Variants in CCDC187 observed in about 807,000 individuals in gnomAD.
CCDC187 encodes the protein coiled-coil domain containing 187.
Under a neutral mutation model 38.0 loss-of-function variants are expected in CCDC187, and 32 were observed. The observed-to-expected ratio is 0.84, with a 90% CI of 0.64 to 1.13. The LOEUF (loss-of-function observed/expected upper bound fraction) is 1.13. Ranked by LOEUF, CCDC187 falls within the 50% of genes most tolerant of loss-of-function variation. The probability of loss-of-function intolerance (pLI) is 0.00; values close to 1 mark genes in which losing one functional copy is unlikely to be tolerated. For missense variants in CCDC187, 707 were observed against 786.8 expected (o/e 0.90, Z 1.21); for synonymous variants, 333 against 347.9 (o/e 0.96, Z 0.48).
At chr9:136,267,613 G>T (rs1215615543) in intron 15 of CCDC187, 102 bp from the exon 16 acceptor site, 10 of 985,430 alleles carry the variant, frequency 1.0e-5, no homozygotes, top group Non-Finnish European at 1.2e-5. Context: ...CTAGCTTCTA[G>T]ACCGCTCCCA....
intron 7 of CCDC187, among the ~76,000 whole-genome samples, chr9:136,288,469 C>T (rs1024169095): frequency 5.3e-5 from 8 of 152,214 alleles, no homozygotes; most frequent in Non-Finnish European, 1.2e-4. Context: ...GTGGGAGCCC[C>T]TCCCTGGCCT....
chr9:136,290,378 G>A lies in CCDC187; in HGVS notation c.2127+108C>T, dbSNP rs1010265286. Reference sequence around the variant, plus strand: ...TCCCCAGCCCCCAGCTGCAGCCCTCGCCCGGCCACTCCCTGGAGGACACCA... The same window carrying A: ...TCCCCAGCCCCCAGCTGCAGCCCTCACCCGGCCACTCCCTGGAGGACACCA... On this transcript the variant is annotated intron_variant, in intron 6 of 25. Coordinates refer to ENST00000638797, the MANE Select transcript of CCDC187 (RefSeq NM_001378188.1). 408 of 397,698 alleles carry A rather than the reference G, an allele frequency of 1.0e-3. 2 individuals carry two copies. Among genetic ancestry groups the A allele is most frequent in the African/African-American group, 7.4e-3 (360 of 48,716 alleles). 24.6% of individuals were successfully genotyped at this position (397,698 alleles called of 1,614,324 possible). A position where few individuals can be genotyped will look rare whatever the true frequency, so the allele number is the denominator to read the frequency against.
chr9:136,281,228 G>A (rs1831033239), intron 10 of CCDC187: 10 of 395,786 alleles, frequency 2.5e-5, no homozygotes, highest in South Asian at 1.4e-4. Context: ...AGAAAAAGTC[G>A]AATCCGAGCT....
In CCDC187 at chr9:136,286,636, A is replaced by G. The variant is rs1831189201; in HGVS notation, c.2282T>C (p.Met761Thr). The G allele has an allele frequency of 2.5e-6, 1 of 398,702 alleles. No homozygotes were observed. The highest frequency in any genetic ancestry group is 4.4e-6 in the Non-Finnish European group (1 of 226,212). The allele number at this position is 398,702 out of a possible 1,614,324, so 24.7% of individuals were successfully genotyped here. A position where few individuals can be genotyped will look rare whatever the true frequency, so the allele number is the denominator to read the frequency against. ...NHAETLDPPG[M>T]GGPQDGRDAP... ...ATCCCGGCCATCTTGGGGGCCCCCCATCCCTGGGGGATCTAGGGTCTCAGC... is the reference window on the plus strand; with the variant it reads ...ATCCCGGCCATCTTGGGGGCCCCCCGTCCCTGGGGGATCTAGGGTCTCAGC... The change falls in exon 8 of 26, where the codon ATG (methionine) becomes ACG (threonine). Residue 761 changes from methionine to threonine, a missense_variant. Met to Thr is a moderately conservative substitution (Grantham distance 81). Transcript: ENST00000638797.
chr9:136,305,813 T>G (rs1233668068), upstream of CCDC187, among the ~76,000 whole-genome samples: 1 of 152,204 alleles, frequency 6.6e-6, no homozygotes, highest in East Asian at 1.9e-4. Flanking sequence ...TCCTGCGAGT[T>G]GCCCCCACCA....
At chr9:136,302,183 A>G (rs1032472742) in intron 2 of CCDC187, among the ~76,000 whole-genome samples, 2,215 of 152,238 alleles carry the variant, frequency 0.015, 42 homozygotes, top group Middle Eastern at 0.058. Flanking sequence ...GCGAGACTCC[A>G]TCTCAAAAAA....
intron 2 of CCDC187, among the ~76,000 whole-genome samples, chr9:136,300,900 C>A (rs1668453240): frequency 6.6e-6 from 1 of 152,234 alleles, no homozygotes; most frequent in East Asian, 1.9e-4. Flanking sequence ...CGCGCCCAGC[C>A]TCAAAAACTT....
chr9:136,293,900 A>T (rs1831454824), intron 4 of CCDC187, among the ~76,000 whole-genome samples: 1 of 151,192 alleles, frequency 6.6e-6, no homozygotes. Flanking sequence ...ACACAACCAC[A>T]CACACTCATA....
chr9:136,296,369 G>A (rs1356809834), intron 4 of CCDC187: 2 of 152,216 alleles, frequency 1.3e-5, no homozygotes, highest in East Asian at 1.9e-4. Context: ...CAGAATCCAC[G>A]CCTGGAGGGT....
Position 136,264,700 on chromosome 9 carries a change from T to C in CCDC187, c.3736-902A>G, listed in dbSNP as rs563164248. 2.0e-5 allele frequency among the ~76,000 whole-genome samples: 3 copies of C among 151,940 alleles called. No homozygotes were observed. The East Asian group carries it at 5.8e-4, about 29-fold the overall frequency. ...GGGCTTTCCAGTCAACATAAGGTCC[T>C]GCACTGACCCCATTTCCCAGCAGAG... On this transcript the variant is annotated intron_variant, in intron 17 of 25. Transcript: ENST00000638797. This position sits in a 1 kb window ranked among gnomAD's most constrained non-coding sequence, Gnocchi z 4.3.
In CCDC187 at chr9:136,250,047, C is replaced by T. The variant is rs1260072131; in HGVS notation, c.*3547G>A. On this transcript the variant is annotated 3_prime_UTR_variant, in exon 26 of 26. Coordinates refer to ENST00000638797, the MANE Select transcript of CCDC187 (RefSeq NM_001378188.1). ...AGCCCAGGCAAATACAGCAGGAGAC[C>T]TTGAAGGGGAGGAACCTTGGATTAC... 1 of 152,272 alleles carries T rather than the reference C, an allele frequency of 6.6e-6. No individual in the cohort carries two copies. Among genetic ancestry groups the T allele is most frequent in the African/African-American group, 2.4e-5 (1 of 41,446 alleles). The allele number at this position is 152,272 out of a possible 1,614,324, so 9.4% of individuals were successfully genotyped here.
At chr9:136,282,487 C>T (rs1206101521) in intron 9 of CCDC187, among the ~76,000 whole-genome samples, 1 of 151,536 alleles carries the variant, frequency 6.6e-6, no homozygotes, top group Non-Finnish European at 1.5e-5. Context: ...GCATCCGGGG[C>T]ATGTGGGCGG....
Position 136,267,436 on chromosome 9 carries a change from C to T in CCDC187, c.3595G>A (p.Ala1199Thr), listed in dbSNP as rs1830766507. The T allele has an allele frequency of 9.1e-6, 9 of 985,448 alleles. No individual in the cohort carries two copies. The highest frequency in any genetic ancestry group is 4.7e-5 in the South Asian group (1 of 21,302). The allele number at this position is 985,448 out of a possible 1,614,324, so 61.0% of individuals were successfully genotyped here. A position where few individuals can be genotyped will look rare whatever the true frequency, so the allele number is the denominator to read the frequency against. ...QAALLRLREM[A>T]LQEKTLAELA... ...TCCGCGAGCGTTTTCTCCTGGAGCG[C>T]CATCTCTCGCAGGCGCAGCAGCGCG... Residue 1199 changes from alanine to threonine, a missense_variant, in exon 16 of 26, where the codon GCG (alanine) becomes ACG (threonine). Transcript: ENST00000638797.
In CCDC187 at chr9:136,263,607, G is replaced by C; in HGVS notation, c.3912+15C>G. 1.0e-6 allele frequency: 1 copy of C among 985,440 alleles called. No homozygotes were observed. Among genetic ancestry groups the C allele is most frequent in the Non-Finnish European group, 1.2e-6 (1 of 829,932 alleles). The allele number at this position is 985,440 out of a possible 1,614,324, so 61.0% of individuals were successfully genotyped here. On this transcript the variant is annotated intron_variant, in intron 18 of 25. Transcript: ENST00000638797. ...ATTTCTGCAGCTGAGTCCCAGCCCAGGCGAGAGCACCCACCTGCTGCAGCT... is the reference window on the plus strand; with the variant it reads ...ATTTCTGCAGCTGAGTCCCAGCCCACGCGAGAGCACCCACCTGCTGCAGCT...
rs931900094 is a variant in CCDC187, at chr9:136,282,034, C to T, written c.2928-371G>A. ...GGACCCCAGGGGGAACAGGGGTGTG[C>T]ACGGTCAGCTTCCGTGGCCACCGTT... is the stretch of plus-strand genomic sequence containing the variant. On this transcript the variant is annotated intron_variant, in intron 9 of 25. Coordinates refer to ENST00000638797, the MANE Select transcript of CCDC187 (RefSeq NM_001378188.1). 3.3e-4 allele frequency among the ~76,000 whole-genome samples: 51 copies of T among 152,314 alleles called. 1 individual carries two copies. In the South Asian group the frequency reaches 0.01, roughly 31 times the overall value.
rs925227539 is a variant in CCDC187 at position 136,250,605 on chromosome 9, A to G, written c.*2989T>C. On this transcript the variant is annotated 3_prime_UTR_variant, in exon 26 of 26. Transcript: ENST00000638797. Reference sequence around the variant, plus strand: ...GAAGACTAGAAGGGGATCAATGAGAAAGCTGTAGCTCAGCTCAAAGTTTGT... The same window carrying G: ...GAAGACTAGAAGGGGATCAATGAGAGAGCTGTAGCTCAGCTCAAAGTTTGT... The G allele has an allele frequency of 8.1e-6, 3 of 370,610 alleles. No individual in the cohort carries two copies. Among genetic ancestry groups the G allele is most frequent in the Non-Finnish European group, 1.6e-5 (3 of 184,120 alleles). 23.0% of individuals were successfully genotyped at this position (370,610 alleles called of 1,614,324 possible).
At chr9:136,293,141 ACACT>A (rs1436253402) in intron 4 of CCDC187, among the ~76,000 whole-genome samples, 3 of 150,436 alleles carry the variant, frequency 2.0e-5, no homozygotes, top group East Asian at 1.9e-4. Flanking sequence ...ACATGCTCAC[ACACT>A]CACAAACACA....
chr9:136,295,062 T>C (rs1300989038), intron 4 of CCDC187, among the ~76,000 whole-genome samples: 3 of 152,222 alleles, frequency 2.0e-5, no homozygotes, highest in Non-Finnish European at 4.4e-5. Flanking sequence ...GTCACGATCA[T>C]TGCAGGAGTT....
In CCDC187 at chr9:136,254,204, G is replaced by A. The variant is rs1052910307; in HGVS notation, c.5624C>T (p.Pro1875Leu). 7 of 985,394 alleles carry A rather than the reference G, an allele frequency of 7.1e-6. No homozygotes were observed. Among genetic ancestry groups the A allele is most frequent in the East Asian group, 1.1e-4 (1 of 8,828 alleles). 61.0% of individuals were successfully genotyped at this position (985,394 alleles called of 1,614,324 possible). A position where few individuals can be genotyped will look rare whatever the true frequency, so the allele number is the denominator to read the frequency against. The change falls in exon 26 of 26, where the codon CCG becomes CTG. Residue 1875 changes from proline to leucine, a missense_variant. By Grantham distance (98) the Pro-to-Leu change is moderately conservative. Coordinates refer to ENST00000638797, the MANE Select transcript of CCDC187 (RefSeq NM_001378188.1). ...APPEAAGVVF[P>L]LQISSAGDSD... is the part of the protein sequence containing the mutation. The stretch of plus-strand genomic sequence containing the variant: ...GTCACCGGCAGAAGAGATTTGCAGC[G>A]GGAACACCACACCGGCGGCCTCAGG...
Sources: allele counts gnomAD v4.1 joint callset (sites outside exome capture counted in the v4.1 genomes callset), GRCh38; gene constraint gnomAD v4.1.1; non-coding constraint Gnocchi (gnomAD v3.1); transcripts MANE v1.5; gene names NCBI Gene and HGNC (gene_info 2026-07-23, HGNC 2026-07-21).